Variants in ANK2 observed in about 807,000 individuals in gnomAD.
The protein encoded by ANK2 is ankyrin-2.
In ANK2, 83 loss-of-function variants were observed where a neutral mutation model predicts 360.5. The observed-to-expected ratio is 0.23, with a 90% CI of 0.19 to 0.28. ANK2 has a LOEUF of 0.28. ANK2 is among the 10% of genes least tolerant of loss of function. The probability of loss-of-function intolerance (pLI) is 1.00; values close to 1 mark genes in which losing one functional copy is unlikely to be tolerated. For synonymous variants in ANK2, 1,740 were observed against 1,759.5 expected, an observed-to-expected ratio of 0.99 and a Z score of 0.28; for missense variants, 4,201 against 4,795.7, an observed-to-expected ratio of 0.88 and a Z score of 3.66.
At chr4:112,757,915 C>CTT in the ANK2 span, among the ~76,000 whole-genome samples, 115,709 of 151,152 alleles carry the variant, frequency 0.77, 45,583 homozygotes, top group East Asian at 0.97. Flanking sequence ...GAGTCTCGCT[C>CTT]GTTTCTCAGG....
At position 113,341,837 on chromosome 4, in the gene ANK2, G is replaced by C. The variant is rs761451782; in HGVS notation, c.4043G>C (p.Cys1348Ser). The C allele has an allele frequency of 6.2e-7, 1 of 1,614,084 alleles. No individual in the cohort carries two copies. The highest frequency in any genetic ancestry group is 1.1e-5 in the South Asian group (1 of 91,078). ...DPIEARLRCF[C>S]MTDDKVDKTL... is the part of the protein sequence containing the mutation. Reference sequence around the variant, plus strand: ...ATTGAAGCCAGGTTGAGGTGTTTCTGCATGACTGATGATAAAGTGGATAAG... The same window carrying C: ...ATTGAAGCCAGGTTGAGGTGTTTCTCCATGACTGATGATAAAGTGGATAAG... The change falls in exon 33 of 46, where the codon TGC (cysteine) becomes TCC (serine). Residue 1348 changes from cysteine (C) to serine (S), a missense_variant. Cys to Ser is a moderately radical substitution (Grantham distance 112). Around this residue, in one of 4 missense-constraint regions of ANK2, gnomAD observed 1,268 missense variants for 1,650.8 expected, o/e 0.77. Transcript: ENST00000357077.
Position 113,149,887 on chromosome 4 carries a change from A to AAAG in ANK2, c.85-24527_85-24526insGAA, listed in dbSNP as rs2096980528. On this transcript the variant is annotated intron_variant, in intron 1 of 45. Transcript: ENST00000357077. ...GAGACCCTGCCTCAAAAAAAAAAAA[A>AAAG]AAAAAAAAAAAAAGAAAGATTGAAA... Among the ~76,000 whole-genome samples, 4 of 149,852 alleles carry AAAG rather than the reference A, an allele frequency of 2.7e-5. No homozygotes were observed. In the South Asian group the frequency reaches 8.5e-4, roughly 32 times the overall value.
At chr4:112,811,028 T>C in the ANK2 span, among the ~76,000 whole-genome samples, 1 of 150,396 alleles carries the variant, frequency 6.6e-6, no homozygotes, top group African/African-American at 2.4e-5. Flanking sequence ...CTCCGCCTCC[T>C]GGGTTCACGC....
chr4:113,279,006 G>A (rs1399938339), intron 17 of ANK2, among the ~76,000 whole-genome samples: 1 of 151,614 alleles, frequency 6.6e-6, no homozygotes, highest in Non-Finnish European at 1.5e-5. Flanking sequence ...GTTAACTGTA[G>A]CATGGATCCC....
rs2153983525 is a variant in ANK2 at position 113,343,094 on chromosome 4, A to G, written c.4200A>G (p.Ile1400Met). 1 of 1,613,850 alleles carries G rather than the reference A, an allele frequency of 6.2e-7. No individual in the cohort carries two copies. Among genetic ancestry groups the G allele is most frequent in the South Asian group, 1.1e-5 (1 of 91,072 alleles). ...VPLTKSGQHH[I>M]FSFFAFKENR... is the part of the protein sequence containing the mutation. ...TAACTAAAAGTGGCCAGCATCATAT[A>G]TTCAGTTTTTTTGCCTTCAAAGAAA... The change falls in exon 34 of 46, where the codon ATA (isoleucine) becomes ATG (methionine). Residue 1400 changes from isoleucine to methionine, a missense_variant. Physicochemically the swap from Ile to Met is conservative, Grantham distance 10. Coordinates refer to ENST00000357077, the MANE Select transcript of ANK2 (RefSeq NM_001148.6).
At chr4:113,323,784 G>C (rs923208535) in intron 26 of ANK2, 1 of 1,611,690 alleles carries the variant, frequency 6.2e-7, no homozygotes, top group Non-Finnish European at 8.5e-7. Flanking sequence ...TCTTGAACGT[G>C]ACAACAGCAG....
chr4:113,067,360 G>A (rs1052870826), intron 1 of ANK2, among the ~76,000 whole-genome samples: 6 of 152,144 alleles, frequency 3.9e-5, no homozygotes, highest in Non-Finnish European at 8.8e-5. Context: ...GCCCCTTGGT[G>A]TGTAGTGCTG....
chr4:113,333,080 T>C lies in ANK2; in HGVS notation c.3251T>C (p.Phe1084Ser). 6.2e-7 allele frequency: 1 copy of C among 1,614,204 alleles called. No individual in the cohort carries two copies. ...LGPVIVEIPH[F>S]AALRGKEREL... The stretch of plus-strand genomic sequence containing the variant: ...CCTGTGATCGTGGAGATCCCTCACT[T>C]TGCGGCCCTTCGAGGAAAGGAAAGG... The change falls in exon 29 of 46, where the codon TTT (phenylalanine) becomes TCT (serine). Residue 1084 changes from phenylalanine to serine, a missense_variant. Phe to Ser is a radical substitution (Grantham distance 155). Transcript: ENST00000357077.
At chr4:113,334,489 A>G (rs2093141157) in intron 29 of ANK2, among the ~76,000 whole-genome samples, 2 of 151,938 alleles carry the variant, frequency 1.3e-5, no homozygotes, top group East Asian at 1.9e-4. Flanking sequence ...TTATTTATTT[A>G]AAAATGAGCT....
chr4:113,364,901 A>AT, intron 40 of ANK2, 138 bp from the exon 41 acceptor site: 1 of 1,145,464 alleles, frequency 8.7e-7, no homozygotes, highest in Non-Finnish European at 1.3e-6. Context: ...CTGTTGGCTT[A>AT]TTTTTACAAA....
chr4:113,369,587 C>G lies in ANK2; in HGVS notation c.11392C>G (p.Pro3798Ala), dbSNP rs1483776959. ...MIVPSSPSKT[P>A]EEVSTPAEEE... The stretch of plus-strand genomic sequence containing the variant: ...AGTACCCAGCTCTCCCAGCAAGACA[C>G]CTGAGGAAGTTAGCACCCCTGCAGA... The change falls in exon 43 of 46, where the codon CCT becomes GCT. Residue 3798 changes from proline to alanine, a missense_variant. By Grantham distance (27) the Pro-to-Ala change is conservative. Transcript: ENST00000357077. The G allele has an allele frequency of 6.2e-7, 1 of 1,614,052 alleles. No individual in the cohort carries two copies. Among genetic ancestry groups the G allele is most frequent in the African/African-American group, 1.3e-5 (1 of 74,932 alleles).
Position 113,358,004 on chromosome 4 carries a change from T to C in ANK2, c.9386T>C (p.Phe3129Ser). Reference protein sequence around the residue: ...MTKRSYADESFHFFQIGQESR... With the variant: ...MTKRSYADESSHFFQIGQESR... Reference sequence around the variant, plus strand: ...AAAAGGTCCTATGCAGATGAAAGTTTTCACTTTTTCCAAATTGGTCAAGAA... The same window carrying C: ...AAAAGGTCCTATGCAGATGAAAGTTCTCACTTTTTCCAAATTGGTCAAGAA... The change falls in exon 38 of 46, where the codon TTT becomes TCT. Residue 3129 changes from phenylalanine (F) to serine (S), a missense_variant. Physicochemically the swap from Phe to Ser is radical, Grantham distance 155. Around this residue, in one of 4 missense-constraint regions of ANK2, gnomAD observed 2,642 missense variants for 2,714.5 expected, o/e 0.97. Coordinates refer to ENST00000357077, the MANE Select transcript of ANK2 (RefSeq NM_001148.6). 1 of 1,614,024 alleles carries C rather than the reference T, an allele frequency of 6.2e-7. No homozygotes were observed. Among genetic ancestry groups the C allele is most frequent in the Non-Finnish European group, 8.5e-7 (1 of 1,179,972 alleles).
In ANK2 at chr4:113,354,723, G is replaced by A. The variant is rs757880191; in HGVS notation, c.6105G>A (p.Pro2035=). The change falls in exon 38 of 46, where the codon CCG becomes CCA. Residue 2035 remains proline, a synonymous_variant. Transcript: ENST00000357077. ...GKVRVEKEKG[P]ILTQREAQKT... Reference sequence around the variant, plus strand: ...TTCGGGTAGAAAAAGAAAAGGGGCCGATACTAACCCAGAGAGAAGCTCAGA... The same window carrying A: ...TTCGGGTAGAAAAAGAAAAGGGGCCAATACTAACCCAGAGAGAAGCTCAGA... The A allele has an allele frequency of 1.1e-5, 18 of 1,613,596 alleles. No individual in the cohort carries two copies. Among genetic ancestry groups the A allele is most frequent in the South Asian group, 4.4e-5 (4 of 91,054 alleles).
Position 113,185,158 on chromosome 4 carries a change from A to G in ANK2, c.186+10641A>G, listed in dbSNP as rs10034945. Among the ~76,000 whole-genome samples the G allele has an allele frequency of 4.8e-3, 728 of 152,318 alleles. 6 individuals carry two copies. The highest frequency in any genetic ancestry group is 8.3e-3 in the South Asian group (40 of 4,826). ...CTTTGCTATTGTGAATAGTGCTGCA[A>G]TGAACACACATGTGCATGTGTCTTT... On this transcript the variant is annotated intron_variant, in intron 2 of 45. Transcript: ENST00000357077.
At chr4:112,929,257 G>A (rs1393940836) in intron 2 of ANK2, among the ~76,000 whole-genome samples, 2 of 152,136 alleles carry the variant, frequency 1.3e-5, no homozygotes, top group Non-Finnish European at 2.9e-5. Context: ...AAATATCTTT[G>A]ACTCCTTTCT....
intron 4 of ANK2, among the ~76,000 whole-genome samples, chr4:113,230,092 T>A (rs1245104087): frequency 6.6e-6 from 1 of 152,178 alleles, no homozygotes; most frequent in Admixed American, 6.5e-5. Context: ...TTTCGCCTGC[T>A]TGCTGTGTTT....
At chr4:112,889,743 A>G (rs2079428643) in intron 1 of ANK2, among the ~76,000 whole-genome samples, 1 of 152,180 alleles carries the variant, frequency 6.6e-6, no homozygotes, top group Non-Finnish European at 1.5e-5. Flanking sequence ...TATGGTCTTT[A>G]CTTCACATCC....
chr4:113,096,784 TG>T (rs1032536632), intron 1 of ANK2, among the ~76,000 whole-genome samples: 1 of 152,046 alleles, frequency 6.6e-6, no homozygotes, highest in African/African-American at 2.4e-5. Context: ...CCTTCAATGC[TG>T]TATGTAGAAA....
intron 22 of ANK2, among the ~76,000 whole-genome samples, chr4:113,297,408 G>GACTC (rs1386439807): frequency 6.6e-6 from 1 of 152,070 alleles, no homozygotes; most frequent in African/African-American, 2.4e-5. Flanking sequence ...TACTTTCAGT[G>GACTC]ACTCACCTTT....
Sources: allele counts gnomAD v4.1 joint callset (sites outside exome capture counted in the v4.1 genomes callset), GRCh38; gene constraint gnomAD v4.1.1; regional missense constraint gnomAD v4.1.1; transcripts MANE v1.5; gene names NCBI Gene and HGNC (gene_info 2026-07-23, HGNC 2026-07-21).